COL6A1: variants seen among roughly 807,000 people sequenced by gnomAD.
COL6A1 encodes collagen alpha-1(VI) chain.
COL6A1 carries 80 observed loss-of-function variants against 145.6 expected under a neutral mutation model. That is an observed-to-expected ratio of 0.55 (90% confidence interval 0.46 to 0.66). The LOEUF (loss-of-function observed/expected upper bound fraction) is 0.66, where lower values mean the gene tolerates loss of function less well. Ranked by LOEUF, COL6A1 falls within the 30% of genes least tolerant of loss-of-function variation. The probability of loss-of-function intolerance (pLI) is 0.00; values close to 1 mark genes in which losing one functional copy is unlikely to be tolerated. For missense variants in COL6A1, 1,364 were observed against 1,473.8 expected (o/e 0.93, Z 1.22); for synonymous variants, 638 against 622.8 (o/e 1.02, Z -0.36).
chr21:45,989,471 ACCATGGGCCC>A, intron 9 of COL6A1, 127 bp from the exon 10 acceptor site: 1 of 936,010 alleles, frequency 1.1e-6, no homozygotes, highest in East Asian at 2.5e-5. Flanking sequence ...GGGCCTCGGC[ACCATGGGCCC>A]CGTGCAGCAG....
rs150256098 is a variant in COL6A1 at position 46,002,040 on chromosome 21, C to G, written c.2036C>G (p.Pro679Arg). The G allele has an allele frequency of 3.7e-6, 6 of 1,612,448 alleles. No homozygotes were observed. Among genetic ancestry groups the G allele is most frequent in the Non-Finnish European group, 5.1e-6 (6 of 1,179,800 alleles). Residue 679 changes from proline (P) to arginine (R), a missense_variant, in exon 31 of 35, where the codon CCC becomes CGC. This residue lies in a region of COL6A1 where 938 missense variants were observed against 1,003.8 expected (regional missense o/e 0.93). Coordinates refer to ENST00000361866, the MANE Select transcript of COL6A1 (RefSeq NM_001848.3). ...QMQEHVSLRSPSIRNVQELKE... is the reference protein window; with the variant it reads ...QMQEHVSLRSRSIRNVQELKE... The stretch of plus-strand genomic sequence containing the variant: ...CAGGAGCACGTGAGCCTGCGCAGCC[C>G]CAGCATCCGGAACGTGCAGGAGCTC...
At chr21:45,983,741 C>T (rs571020847) in intron 2 of COL6A1, among the ~76,000 whole-genome samples, 259 of 152,222 alleles carry the variant, frequency 1.7e-3, no homozygotes, top group African/African-American at 6.0e-3. Flanking sequence ...GTTGCCTTTA[C>T]TCAGTCTCCC....
chr21:45,998,570 ACTGT>A (rs2077820124), intron 24 of COL6A1, 137 bp downstream of exon 24: 24 of 1,214,678 alleles, frequency 2.0e-5, no homozygotes, highest in Middle Eastern at 1.9e-4. Flanking sequence ...CGGCTGCCCC[ACTGT>A]CTGTGGCCAC....
chr21:45,991,884 C>T, intron 15 of COL6A1, 126 bp from the exon 16 acceptor site: 1 of 918,150 alleles, frequency 1.1e-6, no homozygotes. Context: ...GGGGTCTGGG[C>T]TCAGACAGTG....
chr21:45,989,041 A>G (rs1202111599), intron 8 of COL6A1, 43 bp from the exon 9 acceptor site: 1 of 1,599,872 alleles, frequency 6.3e-7, no homozygotes, highest in South Asian at 1.1e-5. Context: ...GCTTTTTAGA[A>G]AGAAACGGGG....
intron 15 of COL6A1, among the ~76,000 whole-genome samples, 198 bp downstream of exon 15, chr21:45,991,239 C>T (rs950540594): frequency 9.2e-5 from 14 of 152,238 alleles, no homozygotes; most frequent in African/African-American, 3.1e-4. Flanking sequence ...GTGGCCGTGG[C>T]GCTCCCGCCC....
At position 46,003,875 on chromosome 21, in the gene COL6A1, C is replaced by T. The variant is rs1463023327; in HGVS notation, c.2949C>T (p.Ile983=). 6.2e-7 allele frequency: 1 copy of T among 1,601,478 alleles called. No homozygotes were observed. The highest frequency in any genetic ancestry group is 2.2e-5 in the East Asian group (1 of 44,592). ...VVGRQVNEPH[I]RVLVTGKTAE... ...GCCGCCAGGTGAATGAGCCCCACAT[C>T]CGCGTCCTGGTCACCGGCAAGACGG... Residue 983 remains isoleucine, a synonymous_variant, in exon 35 of 35, where the codon ATC becomes ATT. Coordinates refer to ENST00000361866, the MANE Select transcript of COL6A1 (RefSeq NM_001848.3).
chr21:45,989,335 C>T (rs1458095658), intron 9 of COL6A1, among the ~76,000 whole-genome samples, 198 bp downstream of exon 9: 3 of 152,238 alleles, frequency 2.0e-5, no homozygotes, highest in Non-Finnish European at 4.4e-5. Flanking sequence ...GTAAGCCCCC[C>T]TGCCAGGGAG....
In COL6A1 at chr21:45,989,652, G is replaced by A; in HGVS notation, c.903G>A (p.Lys301=). 6.2e-7 allele frequency: 1 copy of A among 1,613,170 alleles called. No individual in the cohort carries two copies. The highest frequency in any genetic ancestry group is 8.5e-7 in the Non-Finnish European group (1 of 1,179,998). The part of the protein sequence containing the change: ...DLGPVGYQGM[K]GEKGSRGEKG... ...GACCTGTTGGGTACCAGGGAATGAAGGTACGTGCCCCCCCTTTCCTGGCCC... is the reference window on the plus strand; with the variant it reads ...GACCTGTTGGGTACCAGGGAATGAAAGTACGTGCCCCCCCTTTCCTGGCCC... The change falls in exon 10 of 35, where the codon AAG becomes AAA. Residue 301 remains lysine (K), a splice_region_variant and synonymous_variant. Transcript: ENST00000361866.
At chr21:45,989,561 G>C in intron 9 of COL6A1, 47 bp from the exon 10 acceptor site, 1 of 1,595,458 alleles carries the variant, frequency 6.3e-7, no homozygotes, top group Non-Finnish European at 8.6e-7. Flanking sequence ...ACTGGCCCCT[G>C]CCCCTGCTCC....
At position 45,994,307 on chromosome 21, in the gene COL6A1, T is replaced by TG; in HGVS notation, c.1398+83dup. ...AGAAGTGCTCCAGCAGCTCACGCAC[T>TG]GGGGGTCTGTTCATTTCCGTTTGAG... is the stretch of plus-strand genomic sequence containing the variant. On this transcript the variant is annotated intron_variant, in intron 20 of 34. Coordinates refer to ENST00000361866, the MANE Select transcript of COL6A1 (RefSeq NM_001848.3). This position sits in a 1 kb window ranked among gnomAD's most constrained non-coding sequence, Gnocchi z 6.8. 3.0e-6 allele frequency: 4 copies of TG among 1,327,440 alleles called. No individual in the cohort carries two copies. The highest frequency in any genetic ancestry group is 4.2e-6 in the Non-Finnish European group (4 of 942,950). 82.2% of individuals were successfully genotyped at this position (1,327,440 alleles called of 1,614,324 possible). A position where few individuals can be genotyped will look rare whatever the true frequency, so the allele number is the denominator to read the frequency against.
intron 33 of COL6A1, 25 bp from the exon 34 acceptor site, chr21:46,003,095 A>G (rs778525210): frequency 8.1e-6 from 13 of 1,613,940 alleles, no homozygotes; most frequent in East Asian, 4.5e-5. Flanking sequence ...GTGGGCTCAC[A>G]CTGCACGGCT....
rs1176083983 is a variant in COL6A1 at position 45,981,892 on chromosome 21, C to T, written c.42C>T (p.Ala14=). The T allele has an allele frequency of 1.2e-6, 2 of 1,605,038 alleles. No homozygotes were observed. Among genetic ancestry groups the T allele is most frequent in the Admixed American group, 3.4e-5 (2 of 59,456 alleles). The change falls in exon 1 of 35, where the codon GCC becomes GCT. Residue 14 remains alanine (A), a synonymous_variant. Coordinates refer to ENST00000361866, the MANE Select transcript of COL6A1 (RefSeq NM_001848.3). Reference sequence around the variant, plus strand: ...CTCTGCTGCCCCTGCTGCTGCAGGCCTGCTGGACAGCCGCGCAGGATGAGC... The same window carrying T: ...CTCTGCTGCCCCTGCTGCTGCAGGCTTGCTGGACAGCCGCGCAGGATGAGC... The part of the protein sequence containing the change: ...ARALLPLLLQ[A]CWTAAQDEPE...
At position 45,994,120 on chromosome 21, in the gene COL6A1, T is replaced by A; in HGVS notation, c.1336-47T>A. The A allele has an allele frequency of 6.4e-7, 1 of 1,563,820 alleles. No homozygotes were observed. The highest frequency in any genetic ancestry group is 8.7e-7 in the Non-Finnish European group (1 of 1,152,604). On this transcript the variant is annotated intron_variant, in intron 19 of 34. Coordinates refer to ENST00000361866, the MANE Select transcript of COL6A1 (RefSeq NM_001848.3). This position sits in a 1 kb window ranked among gnomAD's most constrained non-coding sequence, Gnocchi z 6.8. ...TCCCAGCGTGCCCGGGCAGCCATCC[T>A]CCCCAAGGATGGCCCAGCTCCACAC...
chr21:45,987,232 C>T, intron 6 of COL6A1, 57 bp downstream of exon 6: 1 of 1,581,106 alleles, frequency 6.3e-7, no homozygotes, highest in Non-Finnish European at 8.5e-7. Flanking sequence ...ACCCACACGT[C>T]CACCTGTGTG....
Position 45,991,054 on chromosome 21 carries a change from CG to C in COL6A1, c.1119+15del, listed in dbSNP as rs768066018. On this transcript the variant is annotated intron_variant, in intron 15 of 34. Transcript: ENST00000361866. ...GAAAGGAGAAAAGGTGAGTGACTTG[CG>C]GCCCCTGGAGGACCAGGGCCTTCAC... 1 of 1,612,860 alleles carries C rather than the reference CG, an allele frequency of 6.2e-7. No homozygotes were observed. Among genetic ancestry groups the C allele is most frequent in the Non-Finnish European group, 8.5e-7 (1 of 1,179,732 alleles).
Position 45,997,743 on chromosome 21 carries a change from C to G in COL6A1, c.1505C>G (p.Pro502Arg), listed in dbSNP as rs398123632. ...GGACCTGCCGGACCCCCTGGAGACCCGGGGCTGATGGGTGAAAGGGTGAGT... is the reference window on the plus strand; with the variant it reads ...GGACCTGCCGGACCCCCTGGAGACCGGGGGCTGATGGGTGAAAGGGTGAGT... ...APGPAGPPGD[P>R]GLMGERGEDG... Residue 502 changes from proline to arginine, a missense_variant, in exon 22 of 35, where the codon CCG (proline) becomes CGG (arginine). By Grantham distance (103) the Pro-to-Arg change is moderately radical. Coordinates refer to ENST00000361866, the MANE Select transcript of COL6A1 (RefSeq NM_001848.3). 3.1e-6 allele frequency: 5 copies of G among 1,595,054 alleles called. No individual in the cohort carries two copies. The highest frequency in any genetic ancestry group is 2.6e-6 in the Non-Finnish European group (3 of 1,171,072).
At chr21:45,998,771 A>G in intron 24 of COL6A1, 126 bp from the exon 25 acceptor site, 1 of 1,204,906 alleles carries the variant, frequency 8.3e-7, no homozygotes, top group Non-Finnish European at 1.2e-6. Flanking sequence ...AGCCCAGGAA[A>G]TGTGTGTGGT....
intron 15 of COL6A1, among the ~76,000 whole-genome samples, chr21:45,991,752 C>T (rs2077778222): frequency 6.6e-6 from 1 of 152,208 alleles, no homozygotes; most frequent in South Asian, 2.1e-4. Flanking sequence ...GCTGTGCCTT[C>T]TCTAATGGGA....
Sources: allele counts gnomAD v4.1 joint callset (sites outside exome capture counted in the v4.1 genomes callset), GRCh38; gene constraint gnomAD v4.1.1; regional missense constraint gnomAD v4.1.1; non-coding constraint Gnocchi (gnomAD v3.1); transcripts MANE v1.5; gene names NCBI Gene and HGNC (gene_info 2026-07-23, HGNC 2026-07-21).